MYO16: variants seen among roughly 807,000 people sequenced by gnomAD.
The protein encoded by MYO16 is myosin XVI, also known as unconventional myosin-XVI.
Under a neutral mutation model 205.3 loss-of-function variants are expected in MYO16, and 94 were observed. That is an observed-to-expected ratio of 0.46 (90% CI 0.39 to 0.54). MYO16 has a LOEUF of 0.54. Ranked by LOEUF, MYO16 falls within the 20% of genes least tolerant of loss-of-function variation. The pLI is 0.00. For missense variants in MYO16, 2,315 were observed against 2,387.5 expected (o/e 0.97, Z 0.63); for synonymous variants, 988 against 954.0 (o/e 1.04, Z -0.66).
At chr13:109,153,826 A>T (rs561109476) in intron 32 of MYO16, among the ~76,000 whole-genome samples, 1 of 152,298 alleles carries the variant, frequency 6.6e-6, no homozygotes, top group South Asian at 2.1e-4. Flanking sequence ...AGGAGAAGGG[A>T]AACCCCACCA....
the MYO16 span, among the ~76,000 whole-genome samples, chr13:108,549,408 C>T: frequency 2.1e-5 from 2 of 95,168 alleles, no homozygotes; most frequent in African/African-American, 2.7e-5. Flanking sequence ...CTGCTGACAC[C>T]GTTTCTGTAT....
chr13:108,536,418 T>C, the MYO16 span, among the ~76,000 whole-genome samples: 1 of 142,088 alleles, frequency 7.0e-6, no homozygotes, highest in Non-Finnish European at 1.5e-5. Flanking sequence ...GTTTAAGTTA[T>C]GAAATACATG....
At chr13:108,565,462 T>C in the MYO16 span, among the ~76,000 whole-genome samples, 1 of 152,164 alleles carries the variant, frequency 6.6e-6, no homozygotes, top group African/African-American at 2.4e-5. Context: ...TACTTTTTTA[T>C]TTCTTTTTCA....
At chr13:108,613,390 A>G (rs1879244546) in intron 1 of MYO16, among the ~76,000 whole-genome samples, 1 of 152,200 alleles carries the variant, frequency 6.6e-6, no homozygotes, top group African/African-American at 2.4e-5. Context: ...TTATTTCTTG[A>G]TATCTAGTTA....
At chr13:109,103,170 A>G (rs1423918821) in intron 28 of MYO16, among the ~76,000 whole-genome samples, 1 of 152,242 alleles carries the variant, frequency 6.6e-6, no homozygotes, top group African/African-American at 2.4e-5. Flanking sequence ...ATAAAACAAA[A>G]AACACTCATT....
At chr13:108,829,352 C>T (rs1458424142) in intron 9 of MYO16, among the ~76,000 whole-genome samples, 3 of 152,200 alleles carry the variant, frequency 2.0e-5, no homozygotes, top group Non-Finnish European at 4.4e-5. Flanking sequence ...CTTCACTTAT[C>T]TTTGAACTGG....
chr13:108,522,971 A>G, the MYO16 span, among the ~76,000 whole-genome samples: 7 of 152,186 alleles, frequency 4.6e-5, no homozygotes, highest in Non-Finnish European at 1.0e-4. Flanking sequence ...AGGGGCACAC[A>G]CTTCAATCCA....
At chr13:109,088,902 T>G (rs977264539) in intron 27 of MYO16, among the ~76,000 whole-genome samples, 2 of 152,154 alleles carry the variant, frequency 1.3e-5, no homozygotes, top group African/African-American at 4.8e-5. Flanking sequence ...CCCTCACTCC[T>G]CCAGGCCCGC....
intron 27 of MYO16, among the ~76,000 whole-genome samples, chr13:109,085,797 G>A (rs1888421716): frequency 6.6e-6 from 1 of 152,140 alleles, no homozygotes. Context: ...CAGGTAACAG[G>A]GAACAACCAA....
At chr13:109,074,808 CG>C (rs1888039194) in intron 27 of MYO16, among the ~76,000 whole-genome samples, 2 of 152,124 alleles carry the variant, frequency 1.3e-5, no homozygotes, top group Non-Finnish European at 2.9e-5. Context: ...GAGAACAGCA[CG>C]GGGGAACCAC....
the MYO16 span, among the ~76,000 whole-genome samples, chr13:108,497,523 A>AC: frequency 2.0e-5 from 3 of 152,340 alleles, no homozygotes; most frequent in African/African-American, 7.2e-5. Flanking sequence ...ACTACTTGCT[A>AC]TAGACATCAC....
At chr13:108,872,718 A>G (rs1452287483) in intron 12 of MYO16, among the ~76,000 whole-genome samples, 1 of 151,852 alleles carries the variant, frequency 6.6e-6, no homozygotes, top group Non-Finnish European at 1.5e-5. Context: ...TTGCATATGT[A>G]TATATACACA....
chr13:108,863,398 A>C (rs556860089), intron 11 of MYO16, among the ~76,000 whole-genome samples: 27 of 152,254 alleles, frequency 1.8e-4, no homozygotes, highest in African/African-American at 6.5e-4. Context: ...TTATTTTTTA[A>C]TCAATAATGA....
intron 25 of MYO16, among the ~76,000 whole-genome samples, chr13:109,053,158 A>G (rs1475631577): frequency 6.6e-6 from 1 of 152,142 alleles, no homozygotes; most frequent in African/African-American, 2.4e-5. Flanking sequence ...AAAACTATAA[A>G]AGATGAGGAA....
intron 1 of MYO16, among the ~76,000 whole-genome samples, chr13:108,662,976 C>T (rs1404279408): frequency 1.3e-5 from 2 of 152,166 alleles, no homozygotes; most frequent in Non-Finnish European, 2.9e-5. Flanking sequence ...TAACTTGACT[C>T]AGCCCCAGGT....
chr13:109,192,914 CT>C (rs1285823175), intron 34 of MYO16, among the ~76,000 whole-genome samples: 6 of 152,302 alleles, frequency 3.9e-5, no homozygotes, highest in African/African-American at 1.4e-4. Flanking sequence ...TTTATTGTTG[CT>C]GTTAGGCATT....
rs1881957960 is a variant in MYO16, at chr13:108,670,899, G to C, written c.292+4750G>C. Among the ~76,000 whole-genome samples, 2 of 152,094 alleles carry C rather than the reference G, an allele frequency of 1.3e-5. 1 individual carries two copies. Among genetic ancestry groups the C allele is most frequent in the South Asian group, 4.1e-4 (2 of 4,834 alleles). ...ATTTGTTACATAATTAAAATCTGTT[G>C]ATAACCACAGACGCCTGGCAAGGCT... On this transcript the variant is annotated intron_variant, in intron 2 of 34. Transcript: ENST00000457511.
intron 32 of MYO16, among the ~76,000 whole-genome samples, chr13:109,147,856 C>T (rs900146517): frequency 1.3e-5 from 2 of 152,100 alleles, no homozygotes; most frequent in South Asian, 2.1e-4. Context: ...ATTTTCCAAA[C>T]GAGTAAGTCC....
the MYO16 span, among the ~76,000 whole-genome samples, chr13:108,571,542 C>G: frequency 6.6e-6 from 1 of 151,912 alleles, no homozygotes; most frequent in East Asian, 1.9e-4. Context: ...TCAAATGTGG[C>G]AAATGTGGAA....
Sources: allele counts gnomAD v4.1 joint callset (sites outside exome capture counted in the v4.1 genomes callset), GRCh38; gene constraint gnomAD v4.1.1; transcripts MANE v1.5; gene names NCBI Gene and HGNC (gene_info 2026-07-23, HGNC 2026-07-21).